The following HECW2 variants were observed in gnomAD, a reference collection of about 807,000 sequenced individuals.
HECW2 encodes the protein E3 ubiquitin-protein ligase HECW2.
A neutral mutation model predicts 175.2 loss-of-function variants in HECW2; 61 were observed. The ratio of observed to expected loss-of-function variants is 0.35; its 90% CI spans 0.28 to 0.43. The LOEUF (loss-of-function observed/expected upper bound fraction) is 0.43. HECW2 is among the 20% of genes least tolerant of loss of function. The pLI is 1.00. For missense variants in HECW2, 1,524 were observed against 2,000.5 expected (o/e 0.76, Z 4.54); for synonymous variants, 671 against 731.0 (o/e 0.92, Z 1.32).
chr2:196,202,569 C>T (rs1686899337), intron 28 of HECW2, among the ~76,000 whole-genome samples: 1 of 152,180 alleles, frequency 6.6e-6, no homozygotes. Flanking sequence ...ATGACTGGCT[C>T]ATAGTGTTTG....
chr2:196,496,074 C>A (rs1687381729), intron 1 of HECW2, among the ~76,000 whole-genome samples: 1 of 152,146 alleles, frequency 6.6e-6, no homozygotes, highest in Non-Finnish European at 1.5e-5. Context: ...ATAAAATGAT[C>A]TGCTTCCCAT....
intron 9 of HECW2, among the ~76,000 whole-genome samples, chr2:196,318,311 CT>C (rs1410396641): frequency 2.0e-5 from 3 of 152,204 alleles, no homozygotes; most frequent in Non-Finnish European, 2.9e-5. Flanking sequence ...GGTCTCCCCG[CT>C]CAGAAACAGG....
chr2:196,445,174 A>G (rs964178727), intron 1 of HECW2, among the ~76,000 whole-genome samples: 2 of 152,216 alleles, frequency 1.3e-5, no homozygotes, highest in African/African-American at 4.8e-5. Flanking sequence ...CTCCTGCCAG[A>G]CTATAAGCTT....
intron 28 of HECW2, among the ~76,000 whole-genome samples, chr2:196,210,015 G>A (rs1486374421): frequency 1.3e-5 from 2 of 152,028 alleles, no homozygotes; most frequent in Non-Finnish European, 2.9e-5. Flanking sequence ...TGCCCACCTT[G>A]GCCTCCCAAA....
At chr2:196,225,699 CAGAA>C in intron 23 of HECW2, 69 bp downstream of exon 23, 1 of 868,186 alleles carries the variant, frequency 1.2e-6, no homozygotes. Context: ...ATGACTTTGA[CAGAA>C]GAATTTTTTC....
chr2:196,211,142 C>A lies in HECW2; in HGVS notation c.4607+4723G>T, dbSNP rs149429615. On this transcript the variant is annotated intron_variant, in intron 28 of 28. Transcript: ENST00000644978. Reference sequence around the variant, plus strand: ...CGCTTTTCCCTTTGGCAATAACCAACACACCCCCATGACGATTGCAGCTCT... The same window carrying A: ...CGCTTTTCCCTTTGGCAATAACCAAAACACCCCCATGACGATTGCAGCTCT... Among the ~76,000 whole-genome samples the A allele has an allele frequency of 2.2e-3, 333 of 152,122 alleles. 2 individuals carry two copies. Among genetic ancestry groups the A allele is most frequent in the African/African-American group, 7.6e-3 (315 of 41,426 alleles).
At position 196,329,637 on chromosome 2, in the gene HECW2, C is replaced by T. The variant is rs893614054; in HGVS notation, c.509G>A (p.Gly170Asp). The T allele has an allele frequency of 1.9e-6, 3 of 1,613,362 alleles. No individual in the cohort carries two copies. The highest frequency in any genetic ancestry group is 1.3e-5 in the African/African-American group (1 of 74,886). Reference sequence around the variant, plus strand: ...GTTTCCTGAAGCACCTCCCTCCATGCCTTCTGCCCCCATCTGAAAAGAAAA... The same window carrying T: ...GTTTCCTGAAGCACCTCCCTCCATGTCTTCTGCCCCCATCTGAAAAGAAAA... ...KNPAVMMGAE[G>D]MEGGASGNLH... Residue 170 changes from glycine to aspartate, a missense_variant, in exon 5 of 29, where the codon GGC becomes GAC. Physicochemically the swap from Gly to Asp is moderately conservative, Grantham distance 94. Around this residue, in one of 11 missense-constraint regions of HECW2, gnomAD observed 54 missense variants for 46.8 expected, o/e 1.15. Coordinates refer to ENST00000644978, the MANE Select transcript of HECW2 (RefSeq NM_001348768.2).
At chr2:196,539,468 T>C (rs945605236) in intron 1 of HECW2, among the ~76,000 whole-genome samples, 3 of 151,780 alleles carry the variant, frequency 2.0e-5, no homozygotes, top group African/African-American at 7.3e-5. Context: ...CTGTCTCTAC[T>C]AAAAAAATAC....
Position 196,329,216 on chromosome 2 carries a change from T to C in HECW2, c.571+359A>G, listed in dbSNP as rs111528747. On this transcript the variant is annotated intron_variant, in intron 5 of 28. Coordinates refer to ENST00000644978, the MANE Select transcript of HECW2 (RefSeq NM_001348768.2). ...ACAGATAAAGAAGTATATTGGCTTTTGTTTTCCAGTCTTCAAATTTTTTCT... is the reference window on the plus strand; with the variant it reads ...ACAGATAAAGAAGTATATTGGCTTTCGTTTTCCAGTCTTCAAATTTTTTCT... Among the ~76,000 whole-genome samples, 15 of 152,326 alleles carry C rather than the reference T, an allele frequency of 9.8e-5. 1 individual carries two copies. The highest frequency in any genetic ancestry group is 3.4e-4 in the African/African-American group (14 of 41,586).
At chr2:196,394,272 C>T (rs908109272) in intron 2 of HECW2, among the ~76,000 whole-genome samples, 1 of 151,940 alleles carries the variant, frequency 6.6e-6, no homozygotes, top group Non-Finnish European at 1.5e-5. Context: ...GCACGTTGTG[C>T]ACATGTACCC....
At chr2:196,283,947 C>T (rs1488100874) in intron 14 of HECW2, among the ~76,000 whole-genome samples, 1 of 152,078 alleles carries the variant, frequency 6.6e-6, no homozygotes, top group African/African-American at 2.4e-5. Flanking sequence ...GATTTGAACC[C>T]ATGTTTCTGT....
chr2:196,452,342 T>C (rs913018150), intron 1 of HECW2, among the ~76,000 whole-genome samples: 11 of 152,164 alleles, frequency 7.2e-5, no homozygotes, highest in African/African-American at 2.7e-4. Context: ...TAAAATTAAT[T>C]TCATCTGTTT....
chr2:196,297,556 G>A (rs1344877924), intron 13 of HECW2, among the ~76,000 whole-genome samples: 3 of 152,082 alleles, frequency 2.0e-5, no homozygotes, highest in Non-Finnish European at 4.4e-5. Context: ...GTGTTATGAT[G>A]ACCAAATGTC....
chr2:196,570,196 ATAAAAT>A (rs1346332600), intron 1 of HECW2, among the ~76,000 whole-genome samples: 4 of 152,228 alleles, frequency 2.6e-5, no homozygotes, highest in African/African-American at 9.6e-5. Flanking sequence ...TTTCTTAACT[ATAAAAT>A]AAAATGGATA....
intron 7 of HECW2, among the ~76,000 whole-genome samples, chr2:196,321,236 C>G (rs546971275): frequency 6.6e-6 from 1 of 152,274 alleles, no homozygotes; most frequent in Non-Finnish European, 1.5e-5. Flanking sequence ...TTTTGCCTTG[C>G]CTGGGCCCCG....
intron 1 of HECW2, among the ~76,000 whole-genome samples, chr2:196,585,041 T>A (rs2125533311): frequency 6.6e-6 from 1 of 152,346 alleles, no homozygotes; most frequent in South Asian, 2.1e-4. Flanking sequence ...TCTAAGATTG[T>A]GGCATATGGT....
At chr2:196,523,650 A>G (rs1236987657) in intron 1 of HECW2, among the ~76,000 whole-genome samples, 3 of 149,786 alleles carry the variant, frequency 2.0e-5, no homozygotes, top group Non-Finnish European at 4.5e-5. Flanking sequence ...AATACGTCCC[A>G]TCAATACCTA....
At chr2:196,527,061 G>A (rs1193664488) in intron 1 of HECW2, among the ~76,000 whole-genome samples, 1 of 152,206 alleles carries the variant, frequency 6.6e-6, no homozygotes, top group African/African-American at 2.4e-5. Flanking sequence ...GCAATGGCGG[G>A]CGCCCCTCCC....
chr2:196,465,011 G>T (rs374436921), intron 1 of HECW2, among the ~76,000 whole-genome samples: 1 of 152,134 alleles, frequency 6.6e-6, no homozygotes, highest in African/African-American at 2.4e-5. Flanking sequence ...ACTCCAGCCC[G>T]GGTGACAGTA....
Sources: gnomAD v4.1 joint callset for allele counts (sites outside exome capture counted in the v4.1 genomes callset) on GRCh38, gnomAD v4.1.1 for gene constraint, gnomAD v4.1.1 regional missense constraint, MANE v1.5 for transcripts, NCBI Gene and HGNC (gene_info 2026-07-23, HGNC 2026-07-21) for gene names.